TP63: variants seen among roughly 807,000 people sequenced by gnomAD.
TP63 encodes tumor protein p63.
In TP63, 17 loss-of-function variants were observed where a neutral mutation model predicts 82.8. The ratio of observed to expected loss-of-function variants is 0.21; its 90% CI spans 0.14 to 0.31. The LOEUF is 0.31. TP63 is among the 10% of genes least tolerant of loss of function. The pLI is 1.00. For missense variants in TP63, 648 were observed against 895.3 expected, an observed-to-expected ratio of 0.72 and a Z score of 3.52; for synonymous variants, 330 against 321.7, an observed-to-expected ratio of 1.03 and a Z score of -0.28.
chr3:189,774,330 T>C (rs1422936665), intron 3 of TP63, among the ~76,000 whole-genome samples: 1 of 152,222 alleles, frequency 6.6e-6, no homozygotes, highest in African/African-American at 2.4e-5. Context: ...AAGAAAAAAT[T>C]GCTTTCTTCC....
In TP63 at chr3:189,652,707, A is replaced by T. The variant is rs1311541399; in HGVS notation, c.62+21130A>T. On this transcript the variant is annotated intron_variant, in intron 1 of 13. Transcript: ENST00000264731. ...AATGTCATCTTGAATTTTAGTTCCC[A>T]TAATCCCCACGTGTCATGGGAGGGA... Among the ~76,000 whole-genome samples the T allele has an allele frequency of 2.0e-5, 3 of 146,978 alleles. 1 individual carries two copies. Among genetic ancestry groups the T allele is most frequent in the African/African-American group, 7.7e-5 (3 of 39,160 alleles).
chr3:189,787,370 A>C (rs372351603), intron 3 of TP63, among the ~76,000 whole-genome samples: 14 of 152,120 alleles, frequency 9.2e-5, no homozygotes, highest in African/African-American at 3.1e-4. Context: ...CAAATGAGGA[A>C]TCTGAATCCA....
At chr3:189,741,333 A>G (rs1180622533) in intron 3 of TP63, among the ~76,000 whole-genome samples, 1 of 152,170 alleles carries the variant, frequency 6.6e-6, no homozygotes, top group East Asian at 1.9e-4. Flanking sequence ...ATGGAGTTGG[A>G]TAACAAGAAT....
intron 4 of TP63, among the ~76,000 whole-genome samples, chr3:189,819,438 TC>T (rs1654653628): frequency 6.6e-6 from 1 of 152,000 alleles, no homozygotes; most frequent in Non-Finnish European, 1.5e-5. Context: ...ATGCTATCCC[TC>T]CCCCCTTCCC....
At chr3:189,776,962 T>C (rs1229762942) in intron 3 of TP63, among the ~76,000 whole-genome samples, 2 of 152,200 alleles carry the variant, frequency 1.3e-5, no homozygotes, top group Non-Finnish European at 2.9e-5. Flanking sequence ...ATCCAAGGAA[T>C]TGAAATATCA....
intron 1 of TP63, among the ~76,000 whole-genome samples, chr3:189,684,603 T>C (rs1428724956): frequency 1.3e-5 from 2 of 151,556 alleles, no homozygotes; most frequent in Non-Finnish European, 2.9e-5. Context: ...ATAGAATTGA[T>C]CTATGCATTT....
rs575265974 is a variant in TP63, at chr3:189,648,599, A to T, written c.62+17022A>T. On this transcript the variant is annotated intron_variant, in intron 1 of 13. Coordinates refer to ENST00000264731, the MANE Select transcript of TP63 (RefSeq NM_003722.5). ...GAAAAACAAGCTTATTGAAAAAAAG[A>T]AACTTTTCTCTCTCATTAGGATAAA... 4.7e-4 allele frequency among the ~76,000 whole-genome samples: 69 copies of T among 147,546 alleles called. 11 individuals are homozygous for T. Among genetic ancestry groups the T allele is most frequent in the African/African-American group, 1.7e-3 (67 of 39,488 alleles).
At chr3:189,885,532 T>A (rs1341187503) in intron 10 of TP63, among the ~76,000 whole-genome samples, 1 of 152,222 alleles carries the variant, frequency 6.6e-6, no homozygotes, top group African/African-American at 2.4e-5. Flanking sequence ...CATCTCTGAC[T>A]TTGTGACTCT....
chr3:189,679,992 C>T (rs1715774686), intron 1 of TP63, among the ~76,000 whole-genome samples: 1 of 152,112 alleles, frequency 6.6e-6, no homozygotes, highest in East Asian at 1.9e-4. Context: ...GTTTTTATGA[C>T]AGTACCACAC....
intron 3 of TP63, among the ~76,000 whole-genome samples, chr3:189,786,944 T>C (rs1724652541): frequency 6.6e-6 from 1 of 152,098 alleles, no homozygotes; most frequent in Admixed American, 6.6e-5. Flanking sequence ...CAGAGAATTG[T>C]TACTTCTTTG....
chr3:189,630,036 T>A (rs149641154), upstream of TP63, among the ~76,000 whole-genome samples: 4 of 152,316 alleles, frequency 2.6e-5, no homozygotes, highest in African/African-American at 4.8e-5. Context: ...GCTCTCGGGC[T>A]AAGTAAAGGA....
intron 1 of TP63, among the ~76,000 whole-genome samples, chr3:189,690,377 A>G (rs1459751542): frequency 6.6e-6 from 1 of 151,672 alleles, no homozygotes; most frequent in Non-Finnish European, 1.5e-5. Flanking sequence ...TCAGCCAGAC[A>G]CTCTCCTACT....
chr3:189,730,776 T>G (rs1720106478), intron 1 of TP63, among the ~76,000 whole-genome samples: 5 of 152,176 alleles, frequency 3.3e-5, no homozygotes, highest in Admixed American at 3.3e-4. Context: ...CTCTTACAAC[T>G]GCTGACACCC....
At chr3:189,847,727 T>G (rs1306991211) in intron 4 of TP63, among the ~76,000 whole-genome samples, 1 of 152,184 alleles carries the variant, frequency 6.6e-6, no homozygotes, top group Non-Finnish European at 1.5e-5. Context: ...GAGTTGATTC[T>G]TAAAGCAATG....
chr3:189,780,935 T>C (rs1724182975), intron 3 of TP63, among the ~76,000 whole-genome samples: 1 of 152,196 alleles, frequency 6.6e-6, no homozygotes, highest in Non-Finnish European at 1.5e-5. Context: ...TTTTCTCATT[T>C]TGTGTTTGTG....
chr3:189,667,588 T>A (rs1714514503), intron 1 of TP63, among the ~76,000 whole-genome samples: 1 of 151,994 alleles, frequency 6.6e-6, no homozygotes. Context: ...TATGGGATAA[T>A]CTTTACAAGC....
At chr3:189,645,829 A>T (rs1300392949) in intron 1 of TP63, among the ~76,000 whole-genome samples, 1 of 147,256 alleles carries the variant, frequency 6.8e-6, no homozygotes, top group Non-Finnish European at 1.5e-5. Flanking sequence ...TACAAAGGAC[A>T]TGAACTCATC....
intron 1 of TP63, among the ~76,000 whole-genome samples, chr3:189,720,627 A>G (rs976667607): frequency 6.6e-6 from 1 of 151,264 alleles, no homozygotes; most frequent in Non-Finnish European, 1.5e-5. Context: ...CCAGCTACTC[A>G]GGAGGCTGAG....
At chr3:189,682,994 G>C (rs777441535) in intron 1 of TP63, among the ~76,000 whole-genome samples, 1 of 152,078 alleles carries the variant, frequency 6.6e-6, no homozygotes, top group Non-Finnish European at 1.5e-5. Flanking sequence ...TTAATTTAAT[G>C]ATTACAAAAT....
Sources: allele counts gnomAD v4.1 joint callset (sites outside exome capture counted in the v4.1 genomes callset), GRCh38; gene constraint gnomAD v4.1.1; transcripts MANE v1.5; gene names NCBI Gene and HGNC (gene_info 2026-07-23, HGNC 2026-07-21).